Variants in DTHD1 observed in about 807,000 individuals in gnomAD.
The protein encoded by DTHD1 is death domain containing 1.
A neutral mutation model predicts 74.8 loss-of-function variants in DTHD1; 59 were observed. The ratio of observed to expected loss-of-function variants is 0.79; its 90% CI spans 0.64 to 0.98. The LOEUF (loss-of-function observed/expected upper bound fraction) is 0.98. DTHD1 is among the 50% of genes least tolerant of loss of function. DTHD1 has a pLI of 0.00. For missense variants in DTHD1, 1,051 were observed against 1,065.4 expected (o/e 0.99, Z 0.19); for synonymous variants, 365 against 371.1 (o/e 0.98, Z 0.19).
chr4:36,341,109 G>A (rs976701797), intron 9 of DTHD1, among the ~76,000 whole-genome samples: 4 of 152,178 alleles, frequency 2.6e-5, no homozygotes, highest in East Asian at 3.8e-4. Flanking sequence ...AATGCCTAAC[G>A]CAGAGGTTTA....
chr4:36,297,996 G>T (rs1756543226), intron 5 of DTHD1, among the ~76,000 whole-genome samples: 1 of 151,888 alleles, frequency 6.6e-6, no homozygotes, highest in African/African-American at 2.4e-5. Context: ...GAGTGGGAAA[G>T]TGGCTATTTG....
At position 36,290,543 on chromosome 4, in the gene DTHD1, A is replaced by G. The variant is rs1756013110; in HGVS notation, c.1058A>G (p.Asp353Gly). The change falls in exon 3 of 10, where the codon GAT becomes GGT. Residue 353 changes from aspartate (D) to glycine (G), a missense_variant. By Grantham distance (94) the Asp-to-Gly change is moderately conservative. Coordinates refer to ENST00000639862, the MANE Select transcript of DTHD1 (RefSeq NM_001170700.3). The part of the protein sequence containing the change: ...VSNVITIECS[D>G]KEKRVPFPIG... ...AACGTCATAACTATTGAATGCTCAG[A>G]TAAGGAAAAGAGAGTTCCATTTCCA... The G allele has an allele frequency of 2.6e-6, 4 of 1,551,704 alleles. No individual in the cohort carries two copies. Among genetic ancestry groups the G allele is most frequent in the Non-Finnish European group, 3.5e-6 (4 of 1,146,986 alleles).
intron 6 of DTHD1, 93 bp downstream of exon 6, chr4:36,306,445 A>T: frequency 7.8e-7 from 1 of 1,285,356 alleles, no homozygotes; most frequent in Non-Finnish European, 1.0e-6. Context: ...TTAAATTTTT[A>T]TTCTTCGAAT....
chr4:36,343,495 C>T lies in DTHD1; in HGVS notation c.2399-7C>T. 1 of 1,549,404 alleles carries T rather than the reference C, an allele frequency of 6.5e-7. No individual in the cohort carries two copies. The highest frequency in any genetic ancestry group is 8.7e-7 in the Non-Finnish European group (1 of 1,145,658). On this transcript the variant is annotated splice_polypyrimidine_tract_variant and splice_region_variant and intron_variant, in intron 9 of 9. Transcript: ENST00000639862. ...CTAACCGTGAGTGTTCCTCCTGTGC[C>T]TGACAGAAGCCCTTTGGGATAACTT...
intron 9 of DTHD1, among the ~76,000 whole-genome samples, chr4:36,340,869 G>A (rs1341103145): frequency 6.6e-6 from 1 of 152,122 alleles, no homozygotes; most frequent in Non-Finnish European, 1.5e-5. Flanking sequence ...GCAGTATTAG[G>A]AGGAAGAGAG....
At chr4:36,318,169 T>C (rs1355222778) in intron 8 of DTHD1, among the ~76,000 whole-genome samples, 1 of 152,220 alleles carries the variant, frequency 6.6e-6, no homozygotes, top group East Asian at 1.9e-4. Flanking sequence ...GCTAAGTAAA[T>C]GGCAGAGCTA....
intron 8 of DTHD1, among the ~76,000 whole-genome samples, chr4:36,337,080 C>T (rs1244250699): frequency 6.6e-6 from 1 of 152,090 alleles, no homozygotes; most frequent in Non-Finnish European, 1.5e-5. Flanking sequence ...GCTGACTGTT[C>T]TGCTTGTAGC....
chr4:36,310,815 A>T (rs1757355911), intron 7 of DTHD1, among the ~76,000 whole-genome samples: 1 of 152,074 alleles, frequency 6.6e-6, no homozygotes, highest in Non-Finnish European at 1.5e-5. Flanking sequence ...GAGCCAGCTG[A>T]CGGGACTTAG....
At chr4:36,306,532 TTTATGATAGTTAAACAAGTAC>T (rs1217358739) in intron 6 of DTHD1, among the ~76,000 whole-genome samples, 180 bp downstream of exon 6, 1 of 152,252 alleles carries the variant, frequency 6.6e-6, no homozygotes, top group Non-Finnish European at 1.5e-5. Context: ...TGTAATTTCA[TTTATGATAGTTAAACAAGTAC>T]TTTGGGAAAG....
chr4:36,285,812 G>GA (rs902999074), intron 2 of DTHD1, among the ~76,000 whole-genome samples: 3 of 152,234 alleles, frequency 2.0e-5, no homozygotes, highest in East Asian at 3.9e-4. Context: ...GGTCAAATGA[G>GA]AAAATCACTT....
At chr4:36,327,545 G>C (rs1354051724) in intron 8 of DTHD1, among the ~76,000 whole-genome samples, 2 of 152,118 alleles carry the variant, frequency 1.3e-5, no homozygotes, top group Non-Finnish European at 2.9e-5. Context: ...AAAATTACTT[G>C]GAATACTGAG....
chr4:36,346,869 TTG>T lies in DTHD1; in HGVS notation c.*3047_*3048del, dbSNP rs1317776372. 6.6e-6 allele frequency among the ~76,000 whole-genome samples: 1 copy of T among 152,164 alleles called. No individual in the cohort carries two copies. The highest frequency in any genetic ancestry group is 1.5e-5 in the Non-Finnish European group (1 of 68,032). ...TGTGCTTTGGTAACTGGTCTTCTTC[TTG>T]TCTCTTCAAGTCTAAGGGTGGTAAT... On this transcript the variant is annotated 3_prime_UTR_variant, in exon 10 of 10. Coordinates refer to ENST00000639862, the MANE Select transcript of DTHD1 (RefSeq NM_001170700.3).
chr4:36,297,161 G>T (rs1756471264), intron 5 of DTHD1, among the ~76,000 whole-genome samples: 1 of 152,148 alleles, frequency 6.6e-6, no homozygotes, highest in South Asian at 2.1e-4. Context: ...GAAGAGGAGG[G>T]GTTGGTCTTG....
intron 5 of DTHD1, among the ~76,000 whole-genome samples, chr4:36,297,317 T>C (rs144744427): frequency 6.6e-6 from 1 of 152,330 alleles, no homozygotes; most frequent in East Asian, 1.9e-4. Context: ...CTTTTTTAGA[T>C]TGATTATTCC....
At chr4:36,288,145 C>T (rs1755830896) in intron 2 of DTHD1, among the ~76,000 whole-genome samples, 1 of 152,164 alleles carries the variant, frequency 6.6e-6, no homozygotes, top group African/African-American at 2.4e-5. Flanking sequence ...TTCGCCCAGG[C>T]TGGAGTGCAG....
intron 8 of DTHD1, among the ~76,000 whole-genome samples, chr4:36,329,814 A>C (rs1205511711): frequency 6.6e-6 from 1 of 152,196 alleles, no homozygotes; most frequent in East Asian, 1.9e-4. Flanking sequence ...ACAATTGCAA[A>C]GCTTTCTTTT....
At chr4:36,332,268 C>G (rs1758737395) in intron 8 of DTHD1, among the ~76,000 whole-genome samples, 1 of 149,074 alleles carries the variant, frequency 6.7e-6, no homozygotes, top group Non-Finnish European at 1.5e-5. Flanking sequence ...AATAATATTG[C>G]TCTAGTATTC....
chr4:36,340,536 C>G (rs1759258233), intron 9 of DTHD1, among the ~76,000 whole-genome samples: 1 of 152,176 alleles, frequency 6.6e-6, no homozygotes, highest in Non-Finnish European at 1.5e-5. Context: ...TCAGCTTGCT[C>G]AGCTGAGTGG....
In DTHD1 at chr4:36,330,152, A is replaced by T. The variant is rs10517372; in HGVS notation, c.2341-8960A>T. ...TAAAAGGAGGAGACTGAGGCACAAGAGATTACTTTGCTTAAGGGTACGAGT... is the reference window on the plus strand; with the variant it reads ...TAAAAGGAGGAGACTGAGGCACAAGTGATTACTTTGCTTAAGGGTACGAGT... On this transcript the variant is annotated intron_variant, in intron 8 of 9. Coordinates refer to ENST00000639862, the MANE Select transcript of DTHD1 (RefSeq NM_001170700.3). 9.8e-4 allele frequency among the ~76,000 whole-genome samples: 149 copies of T among 152,270 alleles called. 2 individuals carry two copies. In the South Asian group the frequency reaches 0.03, roughly 30 times the overall value.
Sources: allele counts gnomAD v4.1 joint callset (sites outside exome capture counted in the v4.1 genomes callset), GRCh38; gene constraint gnomAD v4.1.1; transcripts MANE v1.5; gene names NCBI Gene and HGNC (gene_info 2026-07-23, HGNC 2026-07-21).